Variants in CR1 observed in about 807,000 individuals in gnomAD.
CR1 encodes complement receptor type 1.
In CR1, 116 loss-of-function variants were observed where a neutral mutation model predicts 187.3. The ratio of observed to expected loss-of-function variants is 0.62; its 90% CI spans 0.53 to 0.72. The LOEUF (loss-of-function observed/expected upper bound fraction) is 0.72. CR1 is among the 30% of genes least tolerant of loss of function. The pLI is 0.00. For missense variants in CR1, 1,731 were observed against 2,110.7 expected, an observed-to-expected ratio of 0.82 and a Z score of 3.52; for synonymous variants, 576 against 747.1, an observed-to-expected ratio of 0.77 and a Z score of 3.73.
intron 35 of CR1, among the ~76,000 whole-genome samples, chr1:207,592,750 C>T (rs940754311): frequency 1.3e-5 from 2 of 152,158 alleles, no homozygotes; most frequent in African/African-American, 4.8e-5. Flanking sequence ...AGCAAAGTCT[C>T]AGGATACAAA....
chr1:207,505,189 T>C (rs1264359630), intron 1 of CR1, among the ~76,000 whole-genome samples: 1 of 152,204 alleles, frequency 6.6e-6, no homozygotes, highest in African/African-American at 2.4e-5. Context: ...AATCTTGCTC[T>C]GTCACCCAGG....
rs564723543 is a variant in CR1 at position 207,567,811 on chromosome 1, G to T, written c.3953-13G>T. ...CTCCTGAATGAAACTTAGAGCTTTT[G>T]TATGTTTTCTAGAAATCTTTTGTCC... is the stretch of plus-strand genomic sequence containing the variant. On this transcript the variant is annotated splice_polypyrimidine_tract_variant and intron_variant, in intron 24 of 46. Transcript: ENST00000367049. 4.3e-6 allele frequency: 7 copies of T among 1,610,920 alleles called. No homozygotes were observed. The South Asian group carries it at 4.4e-5, about 10-fold the overall frequency.
chr1:207,511,738 T>G (rs1659625712), intron 4 of CR1, 84 bp downstream of exon 4: 1 of 1,331,760 alleles, frequency 7.5e-7, no homozygotes, highest in Non-Finnish European at 1.1e-6. Flanking sequence ...ACTGAATTCC[T>G]TCTGTGCAAT....
chr1:207,500,791 T>C (rs1306379074), intron 1 of CR1, among the ~76,000 whole-genome samples: 2 of 152,222 alleles, frequency 1.3e-5, no homozygotes, highest in African/African-American at 4.8e-5. Flanking sequence ...TGAAATCATA[T>C]GTCCACACAA....
At chr1:207,595,420 C>T (rs1192816526) in intron 35 of CR1, among the ~76,000 whole-genome samples, 1 of 152,038 alleles carries the variant, frequency 6.6e-6, no homozygotes, top group Non-Finnish European at 1.5e-5. Context: ...CAACAATGGG[C>T]CCCGGCCCTA....
Position 207,588,735 on chromosome 1 carries a change from C to A in CR1, c.5771C>A (p.Thr1924Lys). 6.2e-7 allele frequency: 1 copy of A among 1,612,332 alleles called. No individual in the cohort carries two copies. The highest frequency in any genetic ancestry group is 8.5e-7 in the Non-Finnish European group (1 of 1,179,190). The change falls in exon 35 of 47, where the codon ACA becomes AAA. Residue 1924 changes from threonine (T) to lysine (K), a missense_variant. Transcript: ENST00000367049. ...FNGMVHINTD[T>K]QFGSTVNYSC... ...GGAATGGTGCATATAAACACAGATA[C>A]ACAGTTTGGATCAACAGTTAATTAT...
At chr1:207,636,767 T>C (rs1307423947) in intron 46 of CR1, among the ~76,000 whole-genome samples, 1 of 152,242 alleles carries the variant, frequency 6.6e-6, no homozygotes, top group African/African-American at 2.4e-5. Context: ...AATACTTCAG[T>C]CAAAATATGG....
At chr1:207,598,910 GT>G in intron 35 of CR1, 1 of 152,212 alleles carries the variant, frequency 6.6e-6, no homozygotes, top group East Asian at 1.9e-4. Context: ...GCATCTTGGA[GT>G]TGGCCAGCAT....
chr1:207,512,830 C>T (rs1659663721), intron 4 of CR1, among the ~76,000 whole-genome samples: 1 of 152,052 alleles, frequency 6.6e-6, no homozygotes, highest in African/African-American at 2.4e-5. Flanking sequence ...TATAATAATA[C>T]ACCTATACCT....
intron 27 of CR1, among the ~76,000 whole-genome samples, chr1:207,573,894 G>A (rs1208073117): frequency 2.0e-5 from 3 of 152,176 alleles, no homozygotes; most frequent in East Asian, 3.9e-4. Context: ...CACACTGAGA[G>A]GCTGAGGCAA....
At chr1:207,504,013 G>A (rs1185232841) in intron 1 of CR1, among the ~76,000 whole-genome samples, 1 of 152,218 alleles carries the variant, frequency 6.6e-6, no homozygotes, top group Middle Eastern at 3.2e-3. Context: ...ATTTGTGCTA[G>A]TTTTGCTGTC....
intron 36 of CR1, 116 bp from the exon 37 acceptor site, chr1:207,609,174 G>T: frequency 9.6e-7 from 1 of 1,045,770 alleles, no homozygotes. Flanking sequence ...GAAAATAACA[G>T]TATTGTAATT....
chr1:207,587,270 A>G (rs762492413), intron 33 of CR1, 116 bp from the exon 34 acceptor site: 1 of 861,552 alleles, frequency 1.2e-6, no homozygotes, highest in Non-Finnish European at 1.7e-6. Flanking sequence ...ATCTTTTGCT[A>G]TTCTTGTAAG....
At chr1:207,600,291 G>C (rs1438602442) in intron 35 of CR1, among the ~76,000 whole-genome samples, 4 of 152,066 alleles carry the variant, frequency 2.6e-5, no homozygotes, top group African/African-American at 9.7e-5. Context: ...AATACAAATT[G>C]GCAAAATAAT....
rs573819850 is a variant in CR1 at position 207,624,340 on chromosome 1, T to C, written c.7352+1272T>C. Among the ~76,000 whole-genome samples the C allele has an allele frequency of 5.9e-5, 9 of 152,302 alleles. No individual in the cohort carries two copies. In the South Asian group the frequency reaches 1.9e-3, roughly 32 times the overall value. ...ACAGCTTTTGTACTGGTTGATTGAA[T>C]TATAACAACCTCAATGAGGCCAGAA... On this transcript the variant is annotated intron_variant, in intron 45 of 46. Coordinates refer to ENST00000367049, the MANE Select transcript of CR1 (RefSeq NM_000651.6).
At chr1:207,567,699 A>C in intron 24 of CR1, 125 bp from the exon 25 acceptor site, 1 of 1,312,946 alleles carries the variant, frequency 7.6e-7, no homozygotes, top group South Asian at 1.3e-5. Flanking sequence ...AACTCTTCAA[A>C]GTCCTAATGT....
At chr1:207,515,789 A>C (rs1036695564) in intron 4 of CR1, among the ~76,000 whole-genome samples, 1 of 152,172 alleles carries the variant, frequency 6.6e-6, no homozygotes, top group African/African-American at 2.4e-5. Flanking sequence ...AATGTAACAC[A>C]AATATTGTCT....
intron 4 of CR1, among the ~76,000 whole-genome samples, chr1:207,518,107 C>A (rs573490935): frequency 3.4e-4 from 52 of 152,170 alleles, no homozygotes; most frequent in Non-Finnish European, 5.6e-4. Flanking sequence ...CAATTTTTCT[C>A]TAAAACTGTT....
At position 207,506,072 on chromosome 1, in the gene CR1, A is replaced by T. The variant is rs1659422294; in HGVS notation, c.290A>T (p.Asp97Val). The change falls in exon 2 of 47, where the codon GAC becomes GTC. Residue 97 changes from aspartate to valine, a missense_variant. Coordinates refer to ENST00000367049, the MANE Select transcript of CR1 (RefSeq NM_000651.6). ...LKNSVWTGAK[D>V]RCRRKSCRNP... ...AACTCAGTCTGGACTGGTGCTAAGG[A>T]CAGGTGCAGACGTAAGTAACTCTGG... is the stretch of plus-strand genomic sequence containing the variant. 3 of 1,613,918 alleles carry T rather than the reference A, an allele frequency of 1.9e-6. No individual in the cohort carries two copies. The highest frequency in any genetic ancestry group is 8.5e-7 in the Non-Finnish European group (1 of 1,179,846).
Sources: allele counts gnomAD v4.1 joint callset (sites outside exome capture counted in the v4.1 genomes callset), GRCh38; gene constraint gnomAD v4.1.1; transcripts MANE v1.5; gene names NCBI Gene and HGNC (gene_info 2026-07-23, HGNC 2026-07-21).